The following PNKD variants were observed in gnomAD, a reference collection of about 807,000 sequenced individuals.
PNKD encodes probable thioesterase PNKD.
In PNKD, 36 loss-of-function variants were observed where a neutral mutation model predicts 45.3. The ratio of observed to expected loss-of-function variants is 0.80; its 90% confidence interval spans 0.61 to 1.05. The LOEUF (loss-of-function observed/expected upper bound fraction) is 1.05, where lower values mean the gene tolerates loss of function less well. Among genes scored for constraint, PNKD ranks in the 50% least tolerant of loss-of-function variants. The pLI is 0.00. For missense variants in PNKD, 511 were observed against 506.6 expected (o/e 1.01, Z -0.08); for synonymous variants, 197 against 210.1 (o/e 0.94, Z 0.54).
chr2:218,271,700 GGCA>G, intron 2 of PNKD, 151 bp downstream of exon 2: 1 of 678,914 alleles, frequency 1.5e-6, no homozygotes, highest in South Asian at 1.9e-5. Flanking sequence ...AGAGGGGTGG[GGCA>G]GTGGAGGTGG....
chr2:218,303,549 C>T (rs1268888888), intron 2 of PNKD, among the ~76,000 whole-genome samples: 1 of 150,800 alleles, frequency 6.6e-6, no homozygotes, highest in African/African-American at 2.4e-5. Flanking sequence ...CAATACCCCA[C>T]GACCCCCATC....
At chr2:218,344,602 T>A in intron 9 of PNKD, 32 bp downstream of exon 9, 1 of 1,562,032 alleles carries the variant, frequency 6.4e-7, no homozygotes, top group South Asian at 1.1e-5. Flanking sequence ...AGGAGCTGTG[T>A]GGGCAGGCAC....
At chr2:218,309,691 G>T (rs1440050480) in intron 2 of PNKD, among the ~76,000 whole-genome samples, 1 of 151,810 alleles carries the variant, frequency 6.6e-6, no homozygotes, top group East Asian at 2.0e-4. Flanking sequence ...CAGCACTTTG[G>T]GAGGCCGAGG....
Position 218,344,788 on chromosome 2 carries a change from C to T in PNKD, c.985-20C>T. 6.2e-7 allele frequency: 1 copy of T among 1,613,118 alleles called. No homozygotes were observed. On this transcript the variant is annotated intron_variant, in intron 9 of 9. Coordinates refer to ENST00000273077, the MANE Select transcript of PNKD (RefSeq NM_015488.5). Reference sequence around the variant, plus strand: ...ATTTCCCAGCTTCTCTCCACCAAACCTGGTTCCTCTCACCCACAGTGCCCA... The same window carrying T: ...ATTTCCCAGCTTCTCTCCACCAAACTTGGTTCCTCTCACCCACAGTGCCCA...
At chr2:218,306,043 T>C (rs1428161657) in intron 2 of PNKD, among the ~76,000 whole-genome samples, 2 of 152,126 alleles carry the variant, frequency 1.3e-5, no homozygotes, top group African/African-American at 4.8e-5. Flanking sequence ...GGAAGGTACC[T>C]GGTATCTTGA....
chr2:218,323,936 G>C (rs1315035753), intron 2 of PNKD, among the ~76,000 whole-genome samples: 2 of 152,316 alleles, frequency 1.3e-5, no homozygotes, highest in East Asian at 3.9e-4. Context: ...AGTCAAGTTA[G>C]GTTCTTCTGT....
At chr2:218,279,083 A>G (rs1691577070) in intron 2 of PNKD, 1 of 1,614,016 alleles carries the variant, frequency 6.2e-7, no homozygotes, top group African/African-American at 1.3e-5. Context: ...AAAGGCGCTG[A>G]CAGGTTCCCT....
At chr2:218,308,145 C>G (rs1693474473) in intron 2 of PNKD, among the ~76,000 whole-genome samples, 1 of 151,188 alleles carries the variant, frequency 6.6e-6, no homozygotes, top group African/African-American at 2.4e-5. Context: ...AAATGGTACC[C>G]CATGAGTCAA....
At position 218,341,608 on chromosome 2, in the gene PNKD, G is replaced by C; in HGVS notation, c.599G>C (p.Gly200Ala). The C allele has an allele frequency of 6.3e-7, 1 of 1,581,644 alleles. No individual in the cohort carries two copies. Among genetic ancestry groups the C allele is most frequent in the South Asian group, 1.2e-5 (1 of 86,448 alleles). The change falls in exon 6 of 10, where the codon GGC (glycine) becomes GCC (alanine). Residue 200 changes from glycine to alanine, a missense_variant. Physicochemically the swap from Gly to Ala is moderately conservative, Grantham distance 60. Coordinates refer to ENST00000273077, the MANE Select transcript of PNKD (RefSeq NM_015488.5). ...CGGGTGTACGGGAGCCCTCAGGACG[G>C]CATCCCCTACCTCACCCAGTAAGTC... is the stretch of plus-strand genomic sequence containing the variant. Reference protein sequence around the residue: ...DCRVYGSPQDGIPYLTHPLCH... With the variant: ...DCRVYGSPQDAIPYLTHPLCH...
At chr2:218,315,547 GA>G (rs1693788469) in intron 2 of PNKD, among the ~76,000 whole-genome samples, 1 of 152,150 alleles carries the variant, frequency 6.6e-6, no homozygotes, top group Non-Finnish European at 1.5e-5. Context: ...TGCCTTTAAG[GA>G]ATAATAGGAA....
At chr2:218,278,189 C>G (rs1014307992) in intron 2 of PNKD, 12 of 620,016 alleles carry the variant, frequency 1.9e-5, no homozygotes, top group Non-Finnish European at 3.1e-5. Flanking sequence ...CCAGAAACAC[C>G]TGGATTGGTT....
At chr2:218,286,548 C>T (rs1468622591) in intron 2 of PNKD, 1 of 152,284 alleles carries the variant, frequency 6.6e-6, no homozygotes, top group Non-Finnish European at 1.5e-5. Flanking sequence ...TCTACCACAG[C>T]AGCGGCACAA....
chr2:218,270,666 C>T, intron 1 of PNKD, 64 bp downstream of exon 1: 1 of 488,870 alleles, frequency 2.0e-6, no homozygotes, highest in Non-Finnish European at 3.4e-6. Context: ...ACGTCCAGCC[C>T]GACGATAGCA....
chr2:218,315,312 T>C (rs186926350), intron 2 of PNKD, among the ~76,000 whole-genome samples: 6 of 151,894 alleles, frequency 4.0e-5, no homozygotes, highest in Non-Finnish European at 8.8e-5. Flanking sequence ...CAGCTAATTT[T>C]TGTATTTTTA....
intron 2 of PNKD, chr2:218,323,176 A>G: frequency 1.5e-6 from 2 of 1,372,764 alleles, no homozygotes; most frequent in Non-Finnish European, 1.9e-6. Context: ...CCACGTCCAG[A>G]GCCGGCAGGC....
At chr2:218,339,093 A>C (rs1315755326) in intron 2 of PNKD, among the ~76,000 whole-genome samples, 2 of 151,268 alleles carry the variant, frequency 1.3e-5, no homozygotes, top group Non-Finnish European at 3.0e-5. Context: ...ACTGTACCCA[A>C]CCTTCTTCAG....
At chr2:218,279,491 T>A in intron 2 of PNKD, 1 of 668,120 alleles carries the variant, frequency 1.5e-6, no homozygotes. Context: ...CCCAGTGAGA[T>A]GCCTGGCTCA....
intron 8 of PNKD, among the ~76,000 whole-genome samples, chr2:218,343,794 A>G (rs1574722812): frequency 6.6e-6 from 1 of 151,784 alleles, no homozygotes; most frequent in Admixed American, 6.6e-5. Flanking sequence ...TTCTCACACT[A>G]CCTTCCCCTG....
intron 2 of PNKD, among the ~76,000 whole-genome samples, chr2:218,319,223 G>A (rs948898871): frequency 6.6e-6 from 1 of 151,614 alleles, no homozygotes; most frequent in Non-Finnish European, 1.5e-5. Flanking sequence ...AAAGTGTTGG[G>A]ATTACAGGCG....
Sources: allele counts gnomAD v4.1 joint callset (sites outside exome capture counted in the v4.1 genomes callset), GRCh38; gene constraint gnomAD v4.1.1; transcripts MANE v1.5; gene names NCBI Gene and HGNC (gene_info 2026-07-23, HGNC 2026-07-21).